STK39: variants seen among roughly 807,000 people sequenced by gnomAD.
The protein encoded by STK39 is STE20/SPS1-related proline-alanine-rich protein kinase.
STK39 carries 20 observed loss-of-function variants against 77.8 expected under a neutral mutation model. The observed-to-expected ratio is 0.26, with a 90% confidence interval of 0.18 to 0.37. STK39 has a LOEUF of 0.37. Ranked by LOEUF, STK39 falls within the 10% of genes least tolerant of loss-of-function variation. The probability of loss-of-function intolerance (pLI) is 1.00; values close to 1 mark genes in which losing one functional copy is unlikely to be tolerated. For missense variants in STK39, 479 were observed against 656.5 expected (o/e 0.73, Z 2.95); for synonymous variants, 246 against 234.1 (o/e 1.05, Z -0.47).
intron 16 of STK39, among the ~76,000 whole-genome samples, chr2:167,997,607 T>C (rs1683880971): frequency 6.6e-6 from 1 of 152,228 alleles, no homozygotes; most frequent in African/African-American, 2.4e-5. Context: ...TGCAGCCATC[T>C]GATTTTAAAA....
At chr2:168,204,305 A>T (rs1390676295) in intron 1 of STK39, among the ~76,000 whole-genome samples, 1 of 152,170 alleles carries the variant, frequency 6.6e-6, no homozygotes, top group Admixed American at 6.5e-5. Flanking sequence ...AGATACAAGC[A>T]CGGGTTTCCT....
intron 1 of STK39, among the ~76,000 whole-genome samples, chr2:168,187,921 C>A (rs556659208): frequency 1.3e-5 from 2 of 152,040 alleles, no homozygotes; most frequent in East Asian, 1.9e-4. Context: ...TAGTTATGGC[C>A]CCTGGAAGGA....
intron 12 of STK39, among the ~76,000 whole-genome samples, chr2:168,068,022 G>T (rs1445292170): frequency 6.6e-6 from 1 of 152,174 alleles, no homozygotes; most frequent in Non-Finnish European, 1.5e-5. Flanking sequence ...AAGAGAGTGT[G>T]TGCAGGAGAA....
intron 14 of STK39, among the ~76,000 whole-genome samples, chr2:168,020,026 A>G (rs183909546): frequency 6.6e-6 from 1 of 152,204 alleles, no homozygotes; most frequent in African/African-American, 2.4e-5. Flanking sequence ...TAAACTACCA[A>G]CGTCACCACT....
intron 14 of STK39, among the ~76,000 whole-genome samples, chr2:168,022,725 T>C (rs930081420): frequency 4.6e-5 from 7 of 152,212 alleles, no homozygotes; most frequent in South Asian, 2.1e-4. Context: ...TTTCTGGGGA[T>C]GAAGTTTTCT....
chr2:168,161,612 T>C (rs1280718526), intron 5 of STK39, among the ~76,000 whole-genome samples, 175 bp downstream of exon 5: 1 of 152,202 alleles, frequency 6.6e-6, no homozygotes, highest in Non-Finnish European at 1.5e-5. Context: ...GATGATCTAA[T>C]GACTTATCAA....
chr2:168,137,446 TCA>T (rs1434819545), intron 8 of STK39, among the ~76,000 whole-genome samples: 1 of 151,978 alleles, frequency 6.6e-6, no homozygotes, highest in Non-Finnish European at 1.5e-5. Context: ...TATTTCAAAG[TCA>T]CAGAAATTAA....
At chr2:168,234,858 C>CAAT (rs1690556450) in intron 1 of STK39, among the ~76,000 whole-genome samples, 2 of 151,822 alleles carry the variant, frequency 1.3e-5, no homozygotes, top group Admixed American at 6.6e-5. Flanking sequence ...TATTTTTACT[C>CAAT]TATTGAGTCA....
At chr2:168,193,307 C>T (rs865803076) in intron 1 of STK39, among the ~76,000 whole-genome samples, 26 of 152,194 alleles carry the variant, frequency 1.7e-4, no homozygotes, top group African/African-American at 3.9e-4. Context: ...CTTCCCCCCC[C>T]TCTTCACACA....
intron 16 of STK39, among the ~76,000 whole-genome samples, chr2:167,986,721 G>T (rs13411544): frequency 6.6e-6 from 1 of 152,054 alleles, no homozygotes; most frequent in Non-Finnish European, 1.5e-5. Flanking sequence ...AGACAAGAAA[G>T]GAACACCGTG....
chr2:167,992,138 C>G (rs185353156), intron 16 of STK39, among the ~76,000 whole-genome samples: 5 of 152,262 alleles, frequency 3.3e-5, no homozygotes, highest in Admixed American at 2.6e-4. Context: ...TGGGAGATAA[C>G]ATAACTCAGT....
At chr2:168,228,976 A>G (rs1690377070) in intron 1 of STK39, among the ~76,000 whole-genome samples, 1 of 152,114 alleles carries the variant, frequency 6.6e-6, no homozygotes, top group Non-Finnish European at 1.5e-5. Flanking sequence ...TTAGCCTTTA[A>G]ATCTCTAACT....
At chr2:168,125,889 G>T (rs1687527628) in intron 10 of STK39, among the ~76,000 whole-genome samples, 1 of 152,190 alleles carries the variant, frequency 6.6e-6, no homozygotes, top group African/African-American at 2.4e-5. Flanking sequence ...ACATGAGTAT[G>T]ACGGGCCTCT....
At chr2:168,061,536 T>C (rs1685665751) in intron 14 of STK39, among the ~76,000 whole-genome samples, 1 of 152,126 alleles carries the variant, frequency 6.6e-6, no homozygotes, top group Admixed American at 6.5e-5. Flanking sequence ...TTTTAACTTA[T>C]TTGAACATAG....
At chr2:168,133,845 G>A (rs939959489) in intron 8 of STK39, among the ~76,000 whole-genome samples, 13 of 142,156 alleles carry the variant, frequency 9.1e-5, no homozygotes, top group African/African-American at 3.2e-4. Flanking sequence ...GTGACAAAGC[G>A]AGACTCTGTC....
intron 14 of STK39, among the ~76,000 whole-genome samples, chr2:168,062,176 T>G (rs964293534): frequency 6.6e-6 from 1 of 152,200 alleles, no homozygotes; most frequent in African/African-American, 2.4e-5. Flanking sequence ...GCATGCTCAG[T>G]GGGCTAGACT....
At chr2:168,115,186 A>G (rs955824969) in intron 10 of STK39, among the ~76,000 whole-genome samples, 6 of 152,140 alleles carry the variant, frequency 3.9e-5, no homozygotes, top group South Asian at 2.1e-4. Flanking sequence ...TAGATCTAGG[A>G]AAAAAAATGA....
intron 1 of STK39, among the ~76,000 whole-genome samples, chr2:168,217,545 G>C (rs1690055780): frequency 6.6e-6 from 1 of 152,154 alleles, no homozygotes; most frequent in South Asian, 2.1e-4. Flanking sequence ...AAGATATACA[G>C]TTGCCCCTCA....
chr2:168,242,079 C>A (rs996357134), intron 1 of STK39, among the ~76,000 whole-genome samples: 4 of 152,116 alleles, frequency 2.6e-5, no homozygotes, highest in Admixed American at 2.6e-4. Flanking sequence ...AAATCAAATG[C>A]ATAAATAAAG....
Sources: gnomAD v4.1 joint callset for allele counts (sites outside exome capture counted in the v4.1 genomes callset) on GRCh38, gnomAD v4.1.1 for gene constraint, MANE v1.5 for transcripts, NCBI Gene and HGNC (gene_info 2026-07-23, HGNC 2026-07-21) for gene names.